ATXN2L: variants seen among roughly 807,000 people sequenced by gnomAD.
ATXN2L encodes the protein ataxin 2 like, also known as ataxin-2-like protein.
A neutral mutation model predicts 120.7 loss-of-function variants in ATXN2L; 24 were observed. That is an observed-to-expected ratio of 0.20 (90% CI 0.14 to 0.28). The LOEUF is 0.28. Ranked by LOEUF, ATXN2L falls within the 10% of genes least tolerant of loss-of-function variation. ATXN2L has a pLI of 1.00. For synonymous variants in ATXN2L, 653 were observed against 568.1 expected (o/e 1.15, Z -2.13); for missense variants, 1,312 against 1,432.3 (o/e 0.92, Z 1.36).
chr16:28,827,457 CTT>C (rs1423961132), intron 6 of ATXN2L, among the ~76,000 whole-genome samples: 1 of 152,138 alleles, frequency 6.6e-6, no homozygotes, highest in Non-Finnish European at 1.5e-5. Context: ...AACTTACTCT[CTT>C]ACTATCTATA....
At chr16:28,834,874 G>A (rs1287835363) in intron 18 of ATXN2L, 181 bp downstream of exon 18, 22 of 1,131,208 alleles carry the variant, frequency 1.9e-5, no homozygotes, top group Non-Finnish European at 2.6e-5. Context: ...CTGTAACAAG[G>A]CATTGGACAT....
rs768662445 is a variant in ATXN2L at position 28,834,576 on chromosome 16, G to C, written c.2316G>C (p.Ala772=). 6.2e-7 allele frequency: 1 copy of C among 1,612,866 alleles called. No individual in the cohort carries two copies. The part of the protein sequence containing the change: ...ASAPPMMQAA[A]AAGPPLVAAT... Reference sequence around the variant, plus strand: ...CCCCGCCGATGATGCAGGCCGCCGCGGCTGCTGGCCCGCCTCTGGTGGCTG... The same window carrying C: ...CCCCGCCGATGATGCAGGCCGCCGCCGCTGCTGGCCCGCCTCTGGTGGCTG... Residue 772 remains alanine (A), a synonymous_variant, in exon 18 of 22, where the codon GCG becomes GCC. Transcript: ENST00000336783.
At position 28,836,878 on chromosome 16, in the gene ATXN2L, C is replaced by T; in HGVS notation, c.*613C>T. On this transcript the variant is annotated 3_prime_UTR_variant, in exon 22 of 22. Coordinates refer to ENST00000336783, the MANE Select transcript of ATXN2L (RefSeq NM_007245.4). ...GGACCACTCCCAGCCCCCCATCCCCCCGTTCCCCAGGGGAGCTGGGGAATT... is the reference window on the plus strand; with the variant it reads ...GGACCACTCCCAGCCCCCCATCCCCTCGTTCCCCAGGGGAGCTGGGGAATT... The T allele has an allele frequency of 7.7e-7, 1 of 1,295,888 alleles. No individual in the cohort carries two copies. Among genetic ancestry groups the T allele is most frequent in the Non-Finnish European group, 1.1e-6 (1 of 915,836 alleles). The allele number at this position is 1,295,888 out of a possible 1,614,324, so 80.3% of individuals were successfully genotyped here.
At chr16:28,834,266 T>C in intron 16 of ATXN2L, 55 bp downstream of exon 16, 3 of 1,610,336 alleles carry the variant, frequency 1.9e-6, no homozygotes, top group Non-Finnish European at 2.5e-6. Context: ...TTGGTTGCGC[T>C]GGTTGAGGGA....
Position 28,835,654 on chromosome 16 carries a change from T to G in ATXN2L, c.2791T>G (p.Ser931Ala). 6.2e-7 allele frequency: 1 copy of G among 1,613,982 alleles called. No individual in the cohort carries two copies. The highest frequency in any genetic ancestry group is 8.5e-7 in the Non-Finnish European group (1 of 1,179,960). Residue 931 changes from serine to alanine, a missense_variant, in exon 21 of 22, where the codon TCT becomes GCT. By Grantham distance (99) the Ser-to-Ala change is moderately conservative. Coordinates refer to ENST00000336783, the MANE Select transcript of ATXN2L (RefSeq NM_007245.4). ...GCCGCCCTCTCTGCCACCGGGACCT[T>G]CTGCCCAGTCCCCTCAGAGCAGCTT... ...GTPPSLPPGP[S>A]AQSPQSSFPQ... is the part of the protein sequence containing the mutation.
intron 12 of ATXN2L, 38 bp from the exon 13 acceptor site, chr16:28,832,775 AGAAT>A: frequency 6.2e-7 from 1 of 1,602,100 alleles, no homozygotes; most frequent in Non-Finnish European, 8.6e-7. Flanking sequence ...CCTTAGAGAA[AGAAT>A]GTTTTGTATT....
At position 28,830,495 on chromosome 16, in the gene ATXN2L, A is replaced by C. The variant is rs1596918083; in HGVS notation, c.1035-120A>C. On this transcript the variant is annotated intron_variant, in intron 8 of 21. Transcript: ENST00000336783. Reference sequence around the variant, plus strand: ...AGATCTTCAAGTGGGATGGTGCTGGAGCCAGGCAGTGTGTGTATGTTTGGG... The same window carrying C: ...AGATCTTCAAGTGGGATGGTGCTGGCGCCAGGCAGTGTGTGTATGTTTGGG... The C allele has an allele frequency of 3.2e-6, 3 of 949,052 alleles. No homozygotes were observed. In the East Asian group the frequency reaches 7.8e-5, roughly 25 times the overall value. 58.8% of individuals were successfully genotyped at this position (949,052 alleles called of 1,614,324 possible).
Position 28,833,227 on chromosome 16 carries a change from C to T in ATXN2L, c.1828C>T (p.Pro610Ser), listed in dbSNP as rs1448063650. The T allele has an allele frequency of 6.2e-7, 1 of 1,614,214 alleles. No individual in the cohort carries two copies. The highest frequency in any genetic ancestry group is 2.2e-5 in the East Asian group (1 of 44,880). The change falls in exon 14 of 22, where the codon CCA (proline) becomes TCA (serine). Residue 610 changes from proline (P) to serine (S), a missense_variant. Physicochemically the swap from Pro to Ser is moderately conservative, Grantham distance 74. Transcript: ENST00000336783. ...TESVSDKEDK[P>S]PLAPSGGTEG... is the part of the protein sequence containing the mutation. Reference sequence around the variant, plus strand: ...GTCCGTATCGGATAAGGAGGACAAACCACCCCTGGCACCATCAGGAGGCAC... The same window carrying T: ...GTCCGTATCGGATAAGGAGGACAAATCACCCCTGGCACCATCAGGAGGCAC...
chr16:28,832,156 C>A, intron 10 of ATXN2L, 49 bp from the exon 11 acceptor site: 4 of 1,599,960 alleles, frequency 2.5e-6, no homozygotes, highest in Non-Finnish European at 3.4e-6. Context: ...CTTGTACTCA[C>A]TGCTGTTGAC....
Position 28,830,963 on chromosome 16 carries a change from C to T in ATXN2L, c.1212C>T (p.Gly404=). ...AAAAAAAAAAAAAAAACCAAACAGG[C>T]CCTTCCCGCATGTCCCCAAAGGCAC... ...PGSEARGING[G]PSRMSPKAQR... The change falls in exon 10 of 22, where the codon GGC becomes GGT. Residue 404 remains glycine, a splice_region_variant and synonymous_variant. Coordinates refer to ENST00000336783, the MANE Select transcript of ATXN2L (RefSeq NM_007245.4). The T allele has an allele frequency of 6.4e-7, 1 of 1,561,560 alleles. No homozygotes were observed. The highest frequency in any genetic ancestry group is 8.6e-7 in the Non-Finnish European group (1 of 1,163,524).
chr16:28,825,948 G>A, intron 4 of ATXN2L, 107 bp downstream of exon 4: 3 of 1,124,512 alleles, frequency 2.7e-6, no homozygotes, highest in Non-Finnish European at 4.0e-6. Context: ...GCCTTTAGTT[G>A]TTTCTGTAGG....
In ATXN2L at chr16:28,834,431, AG is replaced by A. The variant is rs1232299977; in HGVS notation, c.2245+20del. On this transcript the variant is annotated intron_variant, in intron 17 of 21. Transcript: ENST00000336783. ...GGAGCAAAAGGTGAGCAGGGCTGGGAGGGGCAGGCGGCGAGGCTGCCAAGGG... is the reference window on the plus strand; with the variant it reads ...GGAGCAAAAGGTGAGCAGGGCTGGGAGGGCAGGCGGCGAGGCTGCCAAGGG... The A allele has an allele frequency of 1.9e-6, 3 of 1,613,848 alleles. No homozygotes were observed. In the South Asian group the frequency reaches 3.3e-5, roughly 18 times the overall value.
chr16:28,833,218 G>A lies in ATXN2L; in HGVS notation c.1819G>A (p.Glu607Lys). The A allele has an allele frequency of 1.2e-6, 2 of 1,614,190 alleles. No individual in the cohort carries two copies. Among genetic ancestry groups the A allele is most frequent in the Non-Finnish European group, 1.7e-6 (2 of 1,180,044 alleles). The change falls in exon 14 of 22, where the codon GAG (glutamate) becomes AAG (lysine). Residue 607 changes from glutamate (E) to lysine (K), a missense_variant. Transcript: ENST00000336783. ...SSKTESVSDKEDKPPLAPSGG... is the reference protein window; with the variant it reads ...SSKTESVSDKKDKPPLAPSGG... The stretch of plus-strand genomic sequence containing the variant: ...CAAGACAGAGTCCGTATCGGATAAG[G>A]AGGACAAACCACCCCTGGCACCATC...
intron 4 of ATXN2L, 126 bp from the exon 5 acceptor site, chr16:28,826,114 G>T: frequency 8.8e-7 from 1 of 1,132,306 alleles, no homozygotes; most frequent in Non-Finnish European, 1.3e-6. Flanking sequence ...TGTTGAGGAT[G>T]TAGTGTTGTG....
chr16:28,833,370 T>C lies in ATXN2L; in HGVS notation c.1955+16T>C. 6.2e-7 allele frequency: 1 copy of C among 1,613,080 alleles called. No individual in the cohort carries two copies. Among genetic ancestry groups the C allele is most frequent in the Non-Finnish European group, 8.5e-7 (1 of 1,179,406 alleles). On this transcript the variant is annotated intron_variant, in intron 14 of 21. Transcript: ENST00000336783. ...CTGTTGCTGAGTGAGTGGAGCGGGGTGGGGCTCTGGGAGGATGGCAGGAGG... is the reference window on the plus strand; with the variant it reads ...CTGTTGCTGAGTGAGTGGAGCGGGGCGGGGCTCTGGGAGGATGGCAGGAGG...
rs779020531 is a variant in ATXN2L, at chr16:28,823,498, AGCC to A, written c.251_253del (p.Pro84del). On this transcript the variant is annotated inframe_deletion, in exon 1 of 22. Transcript: ENST00000336783. ...GGAGCCGAAGGCATCTTGGCGCCGC[AGCC>A]GCCGCCGCCGCAGCAACACCAGGAG... is the stretch of plus-strand genomic sequence containing the variant. The A allele has an allele frequency of 3.0e-4, 417 of 1,378,748 alleles. No homozygotes were observed. Among genetic ancestry groups the A allele is most frequent in the South Asian group, 1.7e-3 (103 of 61,666 alleles). The allele number at this position is 1,378,748 out of a possible 1,614,324, so 85.4% of individuals were successfully genotyped here.
chr16:28,824,186 A>AT, intron 1 of ATXN2L: 1 of 1,036,174 alleles, frequency 9.7e-7, no homozygotes, highest in Non-Finnish European at 1.2e-6. Flanking sequence ...TGACCCGGGC[A>AT]TTCGCGCGCC....
chr16:28,836,480 G>GC lies in ATXN2L; in HGVS notation c.*217dup. 1.9e-6 allele frequency: 3 copies of GC among 1,610,260 alleles called. No individual in the cohort carries two copies. Among genetic ancestry groups the GC allele is most frequent in the Non-Finnish European group, 2.5e-6 (3 of 1,178,328 alleles). ...GTGACCCCGACTGTCTCCTGACTTA[G>GC]CCGAGGTAAGGTCAGTGCAGCAGAC... On this transcript the variant is annotated 3_prime_UTR_variant, in exon 22 of 22. Coordinates refer to ENST00000336783, the MANE Select transcript of ATXN2L (RefSeq NM_007245.4).
intron 9 of ATXN2L, 27 bp from the exon 10 acceptor site, chr16:28,830,935 T>TAAA: frequency 2.1e-6 from 2 of 963,308 alleles, no homozygotes; most frequent in Non-Finnish European, 2.9e-6. Flanking sequence ...CATTTTCTTC[T>TAAA]CAAAAAAAAA....
Sources: gnomAD v4.1 joint callset for allele counts (sites outside exome capture counted in the v4.1 genomes callset) on GRCh38, gnomAD v4.1.1 for gene constraint, MANE v1.5 for transcripts, NCBI Gene and HGNC (gene_info 2026-07-23, HGNC 2026-07-21) for gene names.